The following KCNH8 variants were observed in gnomAD, a reference collection of about 807,000 sequenced individuals.
The protein encoded by KCNH8 is voltage-gated delayed rectifier potassium channel KCNH8.
KCNH8 carries 70 observed loss-of-function variants against 103.6 expected under a neutral mutation model. The observed-to-expected ratio is 0.68, with a 90% CI of 0.56 to 0.82. The LOEUF is 0.82. KCNH8 is among the 40% of genes least tolerant of loss of function. KCNH8 has a pLI of 0.00. For missense variants in KCNH8, 1,217 were observed against 1,329.9 expected (o/e 0.92, Z 1.32); for synonymous variants, 498 against 489.4 (o/e 1.02, Z -0.23).
intron 5 of KCNH8, among the ~76,000 whole-genome samples, chr3:19,380,088 G>C (rs981890759): frequency 3.3e-5 from 5 of 152,112 alleles, no homozygotes; most frequent in African/African-American, 1.2e-4. Flanking sequence ...CACAGCATTG[G>C]TAAGTTTTGA....
At chr3:19,183,052 A>T (rs1160639471) in intron 1 of KCNH8, among the ~76,000 whole-genome samples, 1 of 152,176 alleles carries the variant, frequency 6.6e-6, no homozygotes, top group Non-Finnish European at 1.5e-5. Flanking sequence ...ACCTGATTAA[A>T]GGTGTTTATC....
chr3:19,385,291 C>T (rs528606399), intron 5 of KCNH8, among the ~76,000 whole-genome samples: 2 of 152,030 alleles, frequency 1.3e-5, no homozygotes, highest in African/African-American at 4.8e-5. Flanking sequence ...ATGTATTAAA[C>T]TATATGCACC....
chr3:19,512,227 C>T (rs976045468), intron 12 of KCNH8, among the ~76,000 whole-genome samples: 2 of 151,940 alleles, frequency 1.3e-5, no homozygotes, highest in East Asian at 3.9e-4. Flanking sequence ...TCCATCATCA[C>T]CTCAATTGTC....
intron 7 of KCNH8, among the ~76,000 whole-genome samples, chr3:19,422,578 C>T (rs2066966667): frequency 6.6e-6 from 1 of 152,098 alleles, no homozygotes. Flanking sequence ...GTGGTGGGGG[C>T]TGCAGTTCAA....
intron 5 of KCNH8, among the ~76,000 whole-genome samples, chr3:19,352,540 A>T (rs1462682046): frequency 6.6e-6 from 1 of 152,182 alleles, no homozygotes; most frequent in Non-Finnish European, 1.5e-5. Context: ...TGTCTCTCAG[A>T]CCACAGTGCA....
intron 2 of KCNH8, among the ~76,000 whole-genome samples, chr3:19,277,272 G>A (rs2064687682): frequency 6.6e-6 from 1 of 152,118 alleles, no homozygotes; most frequent in South Asian, 2.1e-4. Flanking sequence ...TTTAAAAATG[G>A]TAAAGATGGG....
intron 1 of KCNH8, among the ~76,000 whole-genome samples, chr3:19,179,830 A>C (rs2063434175): frequency 6.6e-6 from 1 of 152,164 alleles, no homozygotes; most frequent in Non-Finnish European, 1.5e-5. Flanking sequence ...AAAGATGGAA[A>C]TTATGTAAAT....
In KCNH8 at chr3:19,166,018, A is replaced by G. The variant is rs964616674; in HGVS notation, c.76+17223A>G. ...TGTTCGTTAATATCCCTTTGGCTAA[A>G]GTAAGTCACATGGACAAGCATGGGC... On this transcript the variant is annotated intron_variant, in intron 1 of 15. Coordinates refer to ENST00000328405, the MANE Select transcript of KCNH8 (RefSeq NM_144633.3). 6.6e-5 allele frequency among the ~76,000 whole-genome samples: 10 copies of G among 152,204 alleles called. No homozygotes were observed. The East Asian group carries it at 1.2e-3, about 18-fold the overall frequency.
In KCNH8 at chr3:19,532,520, G is replaced by C. The variant is rs544001129; in HGVS notation, c.2620-875G>C. Among the ~76,000 whole-genome samples the C allele has an allele frequency of 1.5e-3, 224 of 152,244 alleles. 1 individual carries two copies. Among genetic ancestry groups the C allele is most frequent in the African/African-American group, 5.1e-3 (211 of 41,534 alleles). Reference sequence around the variant, plus strand: ...TTGTCTCTGGCCTATAATAAGCATAGGCTTCAACCAGAAATGGCAAGAGTG... The same window carrying C: ...TTGTCTCTGGCCTATAATAAGCATACGCTTCAACCAGAAATGGCAAGAGTG... On this transcript the variant is annotated intron_variant, in intron 15 of 15. Transcript: ENST00000328405.
At chr3:19,497,684 G>A (rs1453470829) in intron 11 of KCNH8, among the ~76,000 whole-genome samples, 1 of 152,146 alleles carries the variant, frequency 6.6e-6, no homozygotes, top group Non-Finnish European at 1.5e-5. Context: ...TAGAATATGT[G>A]CCATGTGGCA....
chr3:19,532,724 A>G (rs932598786), intron 15 of KCNH8, among the ~76,000 whole-genome samples: 1 of 152,216 alleles, frequency 6.6e-6, no homozygotes, highest in Non-Finnish European at 1.5e-5. Flanking sequence ...TTTAGAGATG[A>G]TGGATCTGTA....
intron 7 of KCNH8, among the ~76,000 whole-genome samples, chr3:19,416,726 T>C (rs2125152579): frequency 6.6e-6 from 1 of 152,332 alleles, no homozygotes; most frequent in South Asian, 2.1e-4. Flanking sequence ...TATTATCACC[T>C]GCCCTGGGAT....
intron 7 of KCNH8, among the ~76,000 whole-genome samples, chr3:19,411,641 T>G (rs766683019): frequency 3.9e-5 from 6 of 151,962 alleles, no homozygotes; most frequent in African/African-American, 4.8e-5. Flanking sequence ...CTCCTGAAAC[T>G]GATAAACAAC....
chr3:19,373,059 G>A (rs1254977194), intron 5 of KCNH8, among the ~76,000 whole-genome samples: 1 of 151,856 alleles, frequency 6.6e-6, no homozygotes, highest in Non-Finnish European at 1.5e-5. Context: ...CAAGGATATT[G>A]GTCTAAAATT....
At chr3:19,498,439 G>C (rs1162672010) in intron 11 of KCNH8, among the ~76,000 whole-genome samples, 1 of 152,108 alleles carries the variant, frequency 6.6e-6, no homozygotes, top group Non-Finnish European at 1.5e-5. Context: ...GGCAGGCATG[G>C]TGGTAATGAA....
intron 11 of KCNH8, among the ~76,000 whole-genome samples, chr3:19,497,708 A>C (rs575891632): frequency 3.3e-5 from 5 of 152,304 alleles, no homozygotes; most frequent in Admixed American, 3.3e-4. Context: ...AGAAGGATGT[A>C]TATTCTGTTG....
At chr3:19,289,747 A>T (rs569260939) in intron 3 of KCNH8, among the ~76,000 whole-genome samples, 10 of 152,108 alleles carry the variant, frequency 6.6e-5, no homozygotes, top group Admixed American at 3.3e-4. Context: ...TTGGTTCCAT[A>T]TGAATTTTAA....
chr3:19,186,192 C>T (rs2063500633), intron 1 of KCNH8, among the ~76,000 whole-genome samples: 1 of 151,240 alleles, frequency 6.6e-6, no homozygotes, highest in African/African-American at 2.4e-5. Flanking sequence ...AATCACCTCT[C>T]TGATTGTCTA....
rs143797319 is a variant in KCNH8, at chr3:19,301,631, C to T, written c.442+20302C>T. 2.3e-3 allele frequency among the ~76,000 whole-genome samples: 354 copies of T among 152,200 alleles called. 2 individuals are homozygous for T. Among genetic ancestry groups the T allele is most frequent in the African/African-American group, 7.5e-3 (312 of 41,542 alleles). ...TTCTCTGTGGACACCAAGTGGGTGT[C>T]CTGTAATTTAATTCAATTCTGACAC... On this transcript the variant is annotated intron_variant, in intron 3 of 15. Coordinates refer to ENST00000328405, the MANE Select transcript of KCNH8 (RefSeq NM_144633.3).
Sources: gnomAD v4.1 joint callset for allele counts (sites outside exome capture counted in the v4.1 genomes callset) on GRCh38, gnomAD v4.1.1 for gene constraint, MANE v1.5 for transcripts, NCBI Gene and HGNC (gene_info 2026-07-23, HGNC 2026-07-21) for gene names.